FBH1: variants seen among roughly 807,000 people sequenced by gnomAD.
FBH1 encodes DNA 3'-5' helicase 1.
Under a neutral mutation model 115.5 loss-of-function variants are expected in FBH1, and 43 were observed. That is an observed-to-expected ratio of 0.37 (90% CI 0.29 to 0.48). The LOEUF (loss-of-function observed/expected upper bound fraction) is 0.48. Among genes scored for constraint, FBH1 ranks in the 20% least tolerant of loss-of-function variants. The pLI, the probability that FBH1 is intolerant of heterozygous loss-of-function variation, is 0.99. For missense variants in FBH1, 1,001 were observed against 1,337.3 expected (o/e 0.75, Z 3.92); for synonymous variants, 524 against 507.8 (o/e 1.03, Z -0.43).
chr10:5,921,704 A>G lies in FBH1; in HGVS notation c.2322+135A>G. 8.4e-7 allele frequency: 1 copy of G among 1,184,978 alleles called. No individual in the cohort carries two copies. Among genetic ancestry groups the G allele is most frequent in the African/African-American group, 1.6e-5 (1 of 63,298 alleles). The allele number at this position is 1,184,978 out of a possible 1,614,324, so 73.4% of individuals were successfully genotyped here. ...TTTTTGACTCTTTCCACCAGGCTGC[A>G]CCATGAGTGGTCTCTATCCCAGGCC... On this transcript the variant is annotated intron_variant, in intron 15 of 20. Coordinates refer to ENST00000362091, the MANE Select transcript of FBH1 (RefSeq NM_178150.3). This position sits in a 1 kb window ranked among gnomAD's most constrained non-coding sequence, Gnocchi z 6.4.
intron 13 of FBH1, among the ~76,000 whole-genome samples, chr10:5,920,576 T>G (rs1832251834): frequency 6.6e-6 from 1 of 152,244 alleles, no homozygotes; most frequent in African/African-American, 2.4e-5. Context: ...TCATGGATAT[T>G]TATGTTATAA....
Position 5,936,398 on chromosome 10 carries a change from C to G in FBH1, c.2830-58C>G. ...CACAGAGCCGCCGCTATCAGTGTTTCCAGTAGACCCTAACGGAGGTGTCGC... is the reference window on the plus strand; with the variant it reads ...CACAGAGCCGCCGCTATCAGTGTTTGCAGTAGACCCTAACGGAGGTGTCGC... On this transcript the variant is annotated intron_variant, in intron 19 of 20. Transcript: ENST00000362091. This position sits in a 1 kb window ranked among gnomAD's most constrained non-coding sequence, Gnocchi z 5.6. The G allele has an allele frequency of 6.3e-7, 1 of 1,592,694 alleles. No homozygotes were observed. The highest frequency in any genetic ancestry group is 1.1e-5 in the South Asian group (1 of 89,816).
At position 5,937,420 on chromosome 10, in the gene FBH1, C is replaced by A; in HGVS notation, c.*140C>A. ...CTGAGGAAGAGGACACCAGCCCAAG[C>A]TGGACCTGCCATTTCTCCACTCCCT... is the stretch of plus-strand genomic sequence containing the variant. On this transcript the variant is annotated 3_prime_UTR_variant, in exon 21 of 21. Transcript: ENST00000362091. 1.1e-6 allele frequency: 1 copy of A among 883,814 alleles called. No homozygotes were observed. Among genetic ancestry groups the A allele is most frequent in the Non-Finnish European group, 1.6e-6 (1 of 637,534 alleles). 54.7% of individuals were successfully genotyped at this position (883,814 alleles called of 1,614,324 possible). A position where few individuals can be genotyped will look rare whatever the true frequency, so the allele number is the denominator to read the frequency against.
intron 15 of FBH1, among the ~76,000 whole-genome samples, chr10:5,922,125 A>G (rs1443057520): frequency 1.3e-5 from 2 of 152,230 alleles, no homozygotes; most frequent in East Asian, 3.8e-4. Context: ...ATATTCACTC[A>G]TTCATTTATG....
chr10:5,892,675 C>G (rs1285613293), intron 1 of FBH1, among the ~76,000 whole-genome samples: 1 of 152,244 alleles, frequency 6.6e-6, no homozygotes, highest in African/African-American at 2.4e-5. Flanking sequence ...CAGCCTCCCT[C>G]TCACTCCGGG....
At chr10:5,905,703 G>C (rs952103599) in intron 2 of FBH1, among the ~76,000 whole-genome samples, 5 of 152,122 alleles carry the variant, frequency 3.3e-5, no homozygotes, top group African/African-American at 1.2e-4. Flanking sequence ...GTGTGGTTGT[G>C]AGCAGTCACC....
At position 5,931,016 on chromosome 10, in the gene FBH1, G is replaced by C. The variant is rs991474302; in HGVS notation, c.2829+3475G>C. Among the ~76,000 whole-genome samples, 9 of 152,072 alleles carry C rather than the reference G, an allele frequency of 5.9e-5. No homozygotes were observed. The highest frequency in any genetic ancestry group is 2.2e-4 in the African/African-American group (9 of 41,398). ...GGGCTTAAGTGATCCTCCTACCTCA[G>C]CCTCCCAAAGTTCTGGGATTATAGG... On this transcript the variant is annotated intron_variant, in intron 19 of 20. Transcript: ENST00000362091. The surrounding 1 kb of genome is among the most constrained non-coding windows in gnomAD (Gnocchi z 4.3).
At chr10:5,894,312 T>C in intron 1 of FBH1, 1 of 1,498,682 alleles carries the variant, frequency 6.7e-7, no homozygotes. Flanking sequence ...TACTTCTCAA[T>C]TTCTTTGGTT....
In FBH1 at chr10:5,909,624, C is replaced by A. The variant is rs1031402337; in HGVS notation, c.1020+330C>A. ...TAGGATTTCTTTACAAGACAGCCCA[C>A]CCCATTATCAACAAGTTTGCTTATT... On this transcript the variant is annotated intron_variant, in intron 5 of 20. Coordinates refer to ENST00000362091, the MANE Select transcript of FBH1 (RefSeq NM_178150.3). This position sits in a 1 kb window ranked among gnomAD's most constrained non-coding sequence, Gnocchi z 4.4. 8 of 271,444 alleles carry A rather than the reference C, an allele frequency of 2.9e-5. No individual in the cohort carries two copies. The highest frequency in any genetic ancestry group is 4.8e-5 in the Non-Finnish European group (7 of 144,606). The allele number at this position is 271,444 out of a possible 1,614,324, so 16.8% of individuals were successfully genotyped here.
Position 5,911,645 on chromosome 10 carries a change from G to A in FBH1, c.1211+517G>A, listed in dbSNP as rs1057012552. Reference sequence around the variant, plus strand: ...AAACACTGAACACCTGTGTGTGTCCGACAGTTGTCCACGAGCCGGTCCACT... The same window carrying A: ...AAACACTGAACACCTGTGTGTGTCCAACAGTTGTCCACGAGCCGGTCCACT... On this transcript the variant is annotated intron_variant, in intron 6 of 20. Transcript: ENST00000362091. This position sits in a 1 kb window ranked among gnomAD's most constrained non-coding sequence, Gnocchi z 5.4. Among the ~76,000 whole-genome samples, 3 of 152,150 alleles carry A rather than the reference G, an allele frequency of 2.0e-5. No individual in the cohort carries two copies. The highest frequency in any genetic ancestry group is 2.1e-4 in the South Asian group (1 of 4,830).
In FBH1 at chr10:5,923,623, G is replaced by T. The variant is rs150513076; in HGVS notation, c.2325G>T (p.Gly775=). 54 of 1,611,114 alleles carry T rather than the reference G, an allele frequency of 3.4e-5. No homozygotes were observed. Among genetic ancestry groups the T allele is most frequent in the Admixed American group, 6.7e-5 (4 of 59,334 alleles). ...ATCCCACCAAAAAACTTTTTCAGGGGATTAAATCATTTGGATTGGACAGAA... is the reference window on the plus strand; with the variant it reads ...ATCCCACCAAAAAACTTTTTCAGGGTATTAAATCATTTGGATTGGACAGAA... ...EFPSRIHLIG[G]IKSFGLDRII... is the part of the protein sequence containing the mutation. Residue 775 remains glycine (G), a splice_region_variant and synonymous_variant, in exon 16 of 21, where the codon GGG becomes GGT. Transcript: ENST00000362091. This position sits in a 1 kb window ranked among gnomAD's most constrained non-coding sequence, Gnocchi z 5.7.
chr10:5,903,554 C>A (rs563963207), intron 2 of FBH1, among the ~76,000 whole-genome samples: 1 of 152,074 alleles, frequency 6.6e-6, no homozygotes, highest in African/African-American at 2.4e-5. Context: ...GTCTCGAACT[C>A]CTGACGTCAG....
In FBH1 at chr10:5,933,953, T is replaced by C. The variant is rs1833141250; in HGVS notation, c.2830-2503T>C. Among the ~76,000 whole-genome samples the C allele has an allele frequency of 6.6e-6, 1 of 152,116 alleles. No homozygotes were observed. Among genetic ancestry groups the C allele is most frequent in the African/African-American group, 2.4e-5 (1 of 41,430 alleles). Reference sequence around the variant, plus strand: ...AGGCGTGAGCCACCATGTCCAGCCTTTTTTGTTGTTGTTGATCACAGCCTG... The same window carrying C: ...AGGCGTGAGCCACCATGTCCAGCCTCTTTTGTTGTTGTTGATCACAGCCTG... On this transcript the variant is annotated intron_variant, in intron 19 of 20. Coordinates refer to ENST00000362091, the MANE Select transcript of FBH1 (RefSeq NM_178150.3). This position sits in a 1 kb window ranked among gnomAD's most constrained non-coding sequence, Gnocchi z 4.9.
chr10:5,916,154 C>T (rs1831923457), intron 9 of FBH1, 80 bp from the exon 10 acceptor site: 4 of 1,259,082 alleles, frequency 3.2e-6, no homozygotes, highest in Non-Finnish European at 4.6e-6. Context: ...CTCCTGGTGA[C>T]ATTAGAGAGA....
In FBH1 at chr10:5,910,118, C is replaced by A. The variant is rs575506993; in HGVS notation, c.1021-820C>A. 6.6e-5 allele frequency among the ~76,000 whole-genome samples: 10 copies of A among 152,150 alleles called. No homozygotes were observed. The highest frequency in any genetic ancestry group is 6.2e-4 in the South Asian group (3 of 4,820). Reference sequence around the variant, plus strand: ...CCAACATGGTGAAACCCTGTCTCTACCAAAAATACAAAAATTAGCCGAGCA... The same window carrying A: ...CCAACATGGTGAAACCCTGTCTCTAACAAAAATACAAAAATTAGCCGAGCA... On this transcript the variant is annotated intron_variant, in intron 5 of 20. Coordinates refer to ENST00000362091, the MANE Select transcript of FBH1 (RefSeq NM_178150.3). The surrounding 1 kb of genome is among the most constrained non-coding windows in gnomAD (Gnocchi z 4.8).
In FBH1 at chr10:5,911,195, C is replaced by T. The variant is rs556648448; in HGVS notation, c.1211+67C>T. 2.0e-6 allele frequency: 3 copies of T among 1,473,284 alleles called. No individual in the cohort carries two copies. In the South Asian group the frequency reaches 3.8e-5, roughly 19 times the overall value. The allele number at this position is 1,473,284 out of a possible 1,614,324, so 91.3% of individuals were successfully genotyped here. On this transcript the variant is annotated intron_variant, in intron 6 of 20. Transcript: ENST00000362091. This position sits in a 1 kb window ranked among gnomAD's most constrained non-coding sequence, Gnocchi z 5.4. ...GAGAGTCCCAGACACAGCAGCAGGTCCAGCCCTGCCACTTAGCAGTGTTAG... is the reference window on the plus strand; with the variant it reads ...GAGAGTCCCAGACACAGCAGCAGGTTCAGCCCTGCCACTTAGCAGTGTTAG...
At position 5,932,200 on chromosome 10, in the gene FBH1, A is replaced by T; in HGVS notation, c.2830-4256A>T. 6.6e-6 allele frequency among the ~76,000 whole-genome samples: 1 copy of T among 152,182 alleles called. No homozygotes were observed. The highest frequency in any genetic ancestry group is 1.5e-5 in the Non-Finnish European group (1 of 68,012). On this transcript the variant is annotated intron_variant, in intron 19 of 20. Transcript: ENST00000362091. The surrounding 1 kb of genome is among the most constrained non-coding windows in gnomAD (Gnocchi z 5.9). ...GAGAAGTCTCATTACCTCCCTGTTC[A>T]CTTCAGACTGTTCTCTGCCTCCACC...
At chr10:5,928,471 GA>G (rs942685339) in intron 19 of FBH1, 2 of 152,158 alleles carry the variant, frequency 1.3e-5, no homozygotes, top group African/African-American at 4.8e-5. Flanking sequence ...TGTTCACAGG[GA>G]AAAATGCCAG....
Position 5,913,969 on chromosome 10 carries a change from C to T in FBH1, c.1304+130C>T. The T allele has an allele frequency of 1.2e-6, 1 of 841,026 alleles. No individual in the cohort carries two copies. Among genetic ancestry groups the T allele is most frequent in the South Asian group, 1.6e-5 (1 of 64,012 alleles). The allele number at this position is 841,026 out of a possible 1,614,324, so 52.1% of individuals were successfully genotyped here. Reference sequence around the variant, plus strand: ...ATAATGTAAATTGTGTAAAACTCACCCATCCTAAGAGTGTGATTCAGTGAC... The same window carrying T: ...ATAATGTAAATTGTGTAAAACTCACTCATCCTAAGAGTGTGATTCAGTGAC... On this transcript the variant is annotated intron_variant, in intron 7 of 20. Coordinates refer to ENST00000362091, the MANE Select transcript of FBH1 (RefSeq NM_178150.3). The surrounding 1 kb of genome is among the most constrained non-coding windows in gnomAD (Gnocchi z 4.4).
Sources: allele counts gnomAD v4.1 joint callset (sites outside exome capture counted in the v4.1 genomes callset), GRCh38; gene constraint gnomAD v4.1.1; non-coding constraint Gnocchi (gnomAD v3.1); transcripts MANE v1.5; gene names NCBI Gene and HGNC (gene_info 2026-07-23, HGNC 2026-07-21).